The following PSAT1 variants were observed in gnomAD, a reference collection of about 807,000 sequenced individuals.
The protein encoded by PSAT1 is phosphoserine aminotransferase.
Under a neutral mutation model 40.3 loss-of-function variants are expected in PSAT1, and 41 were observed. The observed-to-expected ratio is 1.02, with a 90% confidence interval of 0.79 to 1.32. PSAT1 has a LOEUF of 1.32. Among genes scored for constraint, PSAT1 ranks in the 40% most tolerant of loss-of-function variants. The pLI, the probability that PSAT1 is intolerant of heterozygous loss-of-function variation, is 0.00. For synonymous variants in PSAT1, 147 were observed against 170.5 expected, an observed-to-expected ratio of 0.86 and a Z score of 1.07; for missense variants, 406 against 455.8, an observed-to-expected ratio of 0.89 and a Z score of 0.99.
intron 1 of PSAT1, among the ~76,000 whole-genome samples, chr9:78,300,234 T>C (rs2118622102): frequency 1.3e-5 from 2 of 152,278 alleles, no homozygotes; most frequent in Middle Eastern, 3.4e-3. Flanking sequence ...ACCTGTATAA[T>C]CTGGGCATAA....
At chr9:78,316,965 G>A (rs1230475207) in intron 6 of PSAT1, among the ~76,000 whole-genome samples, 1 of 152,152 alleles carries the variant, frequency 6.6e-6, no homozygotes, top group Admixed American at 6.5e-5. Flanking sequence ...AGGTAATATG[G>A]GCAAGGCGCT....
chr9:78,320,761 C>G (rs528567853), intron 7 of PSAT1, among the ~76,000 whole-genome samples: 2 of 151,808 alleles, frequency 1.3e-5, no homozygotes, highest in South Asian at 4.2e-4. Context: ...CCTGGAAGAC[C>G]GAGAAGAATA....
Position 78,329,528 on chromosome 9 carries a change from A to G in PSAT1, c.*442A>G. 4.5e-6 allele frequency: 1 copy of G among 224,558 alleles called. No individual in the cohort carries two copies. Among genetic ancestry groups the G allele is most frequent in the Non-Finnish European group, 8.9e-6 (1 of 112,496 alleles). The allele number at this position is 224,558 out of a possible 1,614,324, so 13.9% of individuals were successfully genotyped here. ...TTCAGCGGCTGTTGATTCAAGGTCA[A>G]CATTGACCATTGGAGGAGTGGTTTA... On this transcript the variant is annotated 3_prime_UTR_variant, in exon 9 of 9. Transcript: ENST00000376588.
intron 3 of PSAT1, among the ~76,000 whole-genome samples, chr9:78,303,291 G>T (rs561526865): frequency 6.6e-6 from 1 of 152,200 alleles, no homozygotes; most frequent in Non-Finnish European, 1.5e-5. Flanking sequence ...CAATGTGAAT[G>T]TTCAGAGCTG....
chr9:78,308,605 G>T, intron 6 of PSAT1, 22 bp downstream of exon 6: 1 of 1,613,334 alleles, frequency 6.2e-7, no homozygotes, highest in South Asian at 1.1e-5. Flanking sequence ...AGTCAGTCTT[G>T]TGGACCCAGG....
At chr9:78,301,419 T>C (rs190388296) in intron 2 of PSAT1, among the ~76,000 whole-genome samples, 2 of 152,352 alleles carry the variant, frequency 1.3e-5, no homozygotes, top group Admixed American at 6.5e-5. Flanking sequence ...GTTTCCCCTA[T>C]ATTTTTTGGG....
At chr9:78,305,081 A>G in intron 4 of PSAT1, 141 bp downstream of exon 4, 1 of 773,566 alleles carries the variant, frequency 1.3e-6, no homozygotes, top group Non-Finnish European at 2.2e-6. Flanking sequence ...TGTACTAGCT[A>G]AGACTAGAGC....
intron 1 of PSAT1, among the ~76,000 whole-genome samples, chr9:78,299,791 G>A (rs1376431632): frequency 2.0e-5 from 3 of 151,996 alleles, no homozygotes; most frequent in African/African-American, 4.8e-5. Flanking sequence ...GATTACAGGC[G>A]TGAGCCACCA....
chr9:78,325,550 T>G (rs1312385726), intron 7 of PSAT1, among the ~76,000 whole-genome samples: 1 of 152,244 alleles, frequency 6.6e-6, no homozygotes, highest in East Asian at 1.9e-4. Flanking sequence ...TTCTCATCTG[T>G]TGGAACCATG....
chr9:78,317,720 G>C lies in PSAT1; in HGVS notation c.785G>C (p.Gly262Ala), dbSNP rs200438716. 1.9e-6 allele frequency: 3 copies of C among 1,613,708 alleles called. No individual in the cohort carries two copies. The highest frequency in any genetic ancestry group is 3.3e-5 in the Admixed American group (2 of 59,996). Residue 262 changes from glycine to alanine, a missense_variant, in exon 7 of 9, where the codon GGA becomes GCA. Coordinates refer to ENST00000376588, the MANE Select transcript of PSAT1 (RefSeq NM_058179.4). ...GTTCTGGAGTGGATTAAAAACAATG[G>C]AGGTGCCGCGGCCATGGAGAAGCTT... ...GLVLEWIKNN[G>A]GAAAMEKLSS...
At position 78,299,906 on chromosome 9, in the gene PSAT1, G is replaced by A. The variant is rs575077871; in HGVS notation, c.61-696G>A. ...GTTTTAATGATGCCCTCCTTAGCAA[G>A]CATCTTAAAAAAAAAGGTGCCTCCT... On this transcript the variant is annotated intron_variant, in intron 1 of 8. Transcript: ENST00000376588. Among the ~76,000 whole-genome samples, 42 of 151,966 alleles carry A rather than the reference G, an allele frequency of 2.8e-4. No homozygotes were observed. In the South Asian group the frequency reaches 5.6e-3, roughly 20 times the overall value.
At chr9:78,327,765 GT>G (rs1445789947) in intron 7 of PSAT1, among the ~76,000 whole-genome samples, 1 of 152,160 alleles carries the variant, frequency 6.6e-6, no homozygotes, top group Non-Finnish European at 1.5e-5. Flanking sequence ...GTCACAACTA[GT>G]CTGAAATGGA....
In PSAT1 at chr9:78,308,512, G is replaced by A. The variant is rs2118651074; in HGVS notation, c.669G>A (p.Glu223=). The A allele has an allele frequency of 6.2e-7, 1 of 1,614,102 alleles. No homozygotes were observed. Among genetic ancestry groups the A allele is most frequent in the South Asian group, 1.1e-5 (1 of 91,072 alleles). ...RDDLLGFALR[E]CPSVLEYKVQ... is the part of the protein sequence containing the mutation. ...ACCTGCTGGGGTTTGCCCTCCGAGA[G>A]TGCCCCTCGGTCCTGGAATACAAGG... Residue 223 remains glutamate (E), a synonymous_variant, in exon 6 of 9, where the codon GAG becomes GAA. Coordinates refer to ENST00000376588, the MANE Select transcript of PSAT1 (RefSeq NM_058179.4).
intron 7 of PSAT1, among the ~76,000 whole-genome samples, chr9:78,326,636 A>G (rs1828500916): frequency 1.3e-5 from 2 of 152,174 alleles, no homozygotes; most frequent in East Asian, 1.9e-4. Flanking sequence ...TGTTGCAGAC[A>G]TAGTTTTAAA....
At chr9:78,321,534 C>T (rs1161714167) in intron 7 of PSAT1, among the ~76,000 whole-genome samples, 1 of 152,188 alleles carries the variant, frequency 6.6e-6, no homozygotes, top group Non-Finnish European at 1.5e-5. Context: ...TGAGAAGATG[C>T]ACCCCCTCCC....
At chr9:78,312,730 T>C (rs1828286027) in intron 6 of PSAT1, among the ~76,000 whole-genome samples, 2 of 151,970 alleles carry the variant, frequency 1.3e-5, no homozygotes, top group Non-Finnish European at 2.9e-5. Context: ...AATAAAAGAA[T>C]GGGAGCATGC....
At chr9:78,322,293 A>G (rs1480947136) in intron 7 of PSAT1, among the ~76,000 whole-genome samples, 1 of 152,160 alleles carries the variant, frequency 6.6e-6, no homozygotes, top group Non-Finnish European at 1.5e-5. Flanking sequence ...AATAAAATGA[A>G]GCAGGCAGAG....
chr9:78,306,185 T>C (rs1828179438), intron 4 of PSAT1, 129 bp from the exon 5 acceptor site: 1 of 985,874 alleles, frequency 1.0e-6, no homozygotes, highest in Non-Finnish European at 1.6e-6. Context: ...CTTTCACTCG[T>C]GCAATGCTTT....
intron 7 of PSAT1, among the ~76,000 whole-genome samples, chr9:78,320,536 C>T (rs1011709572): frequency 4.6e-5 from 7 of 151,716 alleles, no homozygotes; most frequent in African/African-American, 1.5e-4. Flanking sequence ...TTCATCCACC[C>T]GCCCACCCAC....
Sources: allele counts gnomAD v4.1 joint callset (sites outside exome capture counted in the v4.1 genomes callset), GRCh38; gene constraint gnomAD v4.1.1; transcripts MANE v1.5; gene names NCBI Gene and HGNC (gene_info 2026-07-23, HGNC 2026-07-21).